NTM: variants seen among roughly 807,000 people sequenced by gnomAD.
The protein encoded by NTM is IgLON family member 2.
NTM carries 13 observed loss-of-function variants against 42.1 expected under a neutral mutation model. That is an observed-to-expected ratio of 0.31 (90% confidence interval 0.20 to 0.49). The LOEUF (loss-of-function observed/expected upper bound fraction) is 0.49. Among genes scored for constraint, NTM ranks in the 20% least tolerant of loss-of-function variants. The probability of loss-of-function intolerance (pLI) is 0.99; values close to 1 mark genes in which losing one functional copy is unlikely to be tolerated. For missense variants in NTM, 373 were observed against 452.8 expected, an observed-to-expected ratio of 0.82 and a Z score of 1.60; for synonymous variants, 187 against 179.2, an observed-to-expected ratio of 1.04 and a Z score of -0.35.
intron 2 of NTM, among the ~76,000 whole-genome samples, chr11:132,106,212 A>C (rs1591547567): frequency 1.3e-5 from 2 of 152,354 alleles, no homozygotes; most frequent in East Asian, 1.9e-4. Flanking sequence ...ATAAATGAAC[A>C]CATTCATATT....
At chr11:132,018,150 T>A (rs1388817384) in intron 2 of NTM, among the ~76,000 whole-genome samples, 1 of 151,824 alleles carries the variant, frequency 6.6e-6, no homozygotes, top group Non-Finnish European at 1.5e-5. Flanking sequence ...CCTCCCTCTC[T>A]CGTTTCCTGT....
At chr11:132,101,591 TGAA>T (rs2061637001) in intron 2 of NTM, among the ~76,000 whole-genome samples, 1 of 151,856 alleles carries the variant, frequency 6.6e-6, no homozygotes, top group Non-Finnish European at 1.5e-5. Context: ...TGTGTATGTT[TGAA>T]TGTATGTGAA....
rs144987460 is a variant in NTM at position 131,645,807 on chromosome 11, T to G, written c.83-265757T>G. Among the ~76,000 whole-genome samples the G allele has an allele frequency of 1.7e-3, 254 of 152,326 alleles. 3 individuals are homozygous for G. The highest frequency in any genetic ancestry group is 5.9e-3 in the African/African-American group (245 of 41,570). On this transcript the variant is annotated intron_variant, in intron 1 of 8. Coordinates refer to ENST00000683400, the MANE Select transcript of NTM (RefSeq NM_001352005.2). ...GGGATCTTGGATAGGTCTGTGGACATGGGGTTATATGGAGCATATGGAATG... is the reference window on the plus strand; with the variant it reads ...GGGATCTTGGATAGGTCTGTGGACAGGGGGTTATATGGAGCATATGGAATG...
intron 1 of NTM, chr11:131,910,814 A>C (rs2054736277): frequency 1.6e-5 from 16 of 983,460 alleles, no homozygotes; most frequent in South Asian, 4.7e-5. Context: ...CCCGCCGGAC[A>C]GCGGCGGCCG....
chr11:131,874,954 G>A (rs755266495), intron 1 of NTM, among the ~76,000 whole-genome samples: 4 of 152,150 alleles, frequency 2.6e-5, no homozygotes, highest in South Asian at 4.1e-4. Context: ...TCAGGAAGGC[G>A]AGGGCTGAGG....
At chr11:132,292,743 T>G (rs2140019278) in intron 4 of NTM, among the ~76,000 whole-genome samples, 1 of 120,560 alleles carries the variant, frequency 8.3e-6, no homozygotes, top group East Asian at 2.3e-4. Context: ...GAGAGAACAA[T>G]GATGCGTTAT....
At chr11:132,084,986 G>T (rs2059527959) in intron 2 of NTM, among the ~76,000 whole-genome samples, 1 of 152,148 alleles carries the variant, frequency 6.6e-6, no homozygotes, top group Non-Finnish European at 1.5e-5. Context: ...GCTAATGAGT[G>T]GATTAGTGCC....
At chr11:132,147,710 C>T (rs567678842) in intron 3 of NTM, among the ~76,000 whole-genome samples, 2 of 152,176 alleles carry the variant, frequency 1.3e-5, no homozygotes, top group Admixed American at 6.5e-5. Flanking sequence ...ATCCCGAGGC[C>T]CTTTCAACCA....
intron 4 of NTM, among the ~76,000 whole-genome samples, chr11:132,216,807 C>T (rs1360067479): frequency 6.6e-6 from 1 of 152,214 alleles, no homozygotes; most frequent in Non-Finnish European, 1.5e-5. Flanking sequence ...TATCTTGATC[C>T]TTCAGAAGTT....
chr11:131,873,058 C>G (rs577497879), intron 1 of NTM, among the ~76,000 whole-genome samples: 1 of 152,272 alleles, frequency 6.6e-6, no homozygotes, highest in Admixed American at 6.5e-5. Flanking sequence ...GAGACACATG[C>G]ACATGTATGT....
At chr11:132,210,641 A>G (rs559574394) in intron 3 of NTM, among the ~76,000 whole-genome samples, 3 of 152,320 alleles carry the variant, frequency 2.0e-5, no homozygotes, top group South Asian at 2.1e-4. Context: ...ATGGAACCAA[A>G]TATCACATGT....
rs1050543782 is a variant in NTM at position 131,639,733 on chromosome 11, A to G, written c.82+268845A>G. Reference sequence around the variant, plus strand: ...AGCACTTTGGGAGGCCGAGGCAGGCAGATCACAAGGTCAGGAGTTCGAGAC... The same window carrying G: ...AGCACTTTGGGAGGCCGAGGCAGGCGGATCACAAGGTCAGGAGTTCGAGAC... On this transcript the variant is annotated intron_variant, in intron 1 of 8. Transcript: ENST00000683400. 5.4e-4 allele frequency among the ~76,000 whole-genome samples: 82 copies of G among 152,048 alleles called. 2 individuals are homozygous for G. The highest frequency in any genetic ancestry group is 5.9e-5 in the Non-Finnish European group (4 of 68,012).
intron 1 of NTM, among the ~76,000 whole-genome samples, chr11:131,726,985 A>C (rs2079050034): frequency 6.6e-6 from 1 of 151,356 alleles, no homozygotes; most frequent in Admixed American, 6.6e-5. Flanking sequence ...CACAGCACCC[A>C]GCCCATGCCA....
At chr11:131,521,781 G>T (rs1177593881) in intron 1 of NTM, among the ~76,000 whole-genome samples, 1 of 152,038 alleles carries the variant, frequency 6.6e-6, no homozygotes, top group Non-Finnish European at 1.5e-5. Flanking sequence ...CCAAACTAGA[G>T]CAGCATTCCA....
intron 1 of NTM, among the ~76,000 whole-genome samples, chr11:131,398,401 A>AT (rs1009394157): frequency 3.9e-5 from 6 of 152,046 alleles, no homozygotes; most frequent in African/African-American, 9.7e-5. Context: ...CATTTAATGT[A>AT]TTTTTTTCTA....
intron 1 of NTM, among the ~76,000 whole-genome samples, chr11:131,674,845 A>C (rs901074171): frequency 5.3e-5 from 8 of 152,202 alleles, no homozygotes; most frequent in Non-Finnish European, 1.2e-4. Context: ...ACATGCATGG[A>C]TTAGGGACCA....
intron 4 of NTM, among the ~76,000 whole-genome samples, chr11:132,283,570 T>C (rs1255712490): frequency 6.6e-6 from 1 of 152,088 alleles, no homozygotes; most frequent in Non-Finnish European, 1.5e-5. Context: ...TGAATAACAA[T>C]TTGGATGAAA....
At chr11:132,104,937 G>GTGTGTGTGTATATATA (rs1169190929) in intron 2 of NTM, among the ~76,000 whole-genome samples, 1 of 61,824 alleles carries the variant, frequency 1.6e-5, no homozygotes, top group African/African-American at 6.1e-5. Context: ...ATATACATAT[G>GTGTGTGTGTATATATA]TATATATATA....
intron 1 of NTM, among the ~76,000 whole-genome samples, chr11:131,517,736 C>T (rs1368193395): frequency 1.3e-5 from 2 of 152,160 alleles, no homozygotes; most frequent in East Asian, 3.9e-4. Flanking sequence ...ATTCCTGTAC[C>T]TGTATTGACC....
Sources: allele counts gnomAD v4.1 joint callset (sites outside exome capture counted in the v4.1 genomes callset), GRCh38; gene constraint gnomAD v4.1.1; transcripts MANE v1.5; gene names NCBI Gene and HGNC (gene_info 2026-07-23, HGNC 2026-07-21).